The following VSNL1 variants were observed in gnomAD, a reference collection of about 807,000 sequenced individuals.
VSNL1 encodes the protein visinin like 1.
A neutral mutation model predicts 20.4 loss-of-function variants in VSNL1; 6 were observed. The observed-to-expected ratio is 0.29, with a 90% CI of 0.16 to 0.58. The LOEUF is 0.58. Among genes scored for constraint, VSNL1 ranks in the 20% least tolerant of loss-of-function variants. The probability of loss-of-function intolerance (pLI) is 0.90; values close to 1 mark genes in which losing one functional copy is unlikely to be tolerated. For missense variants in VSNL1, 100 were observed against 234.5 expected, an observed-to-expected ratio of 0.43 and a Z score of 3.75; for synonymous variants, 93 against 86.4, an observed-to-expected ratio of 1.08 and a Z score of -0.42.
chr2:17,557,148 A>G (rs1014683984), intron 1 of VSNL1, among the ~76,000 whole-genome samples: 2 of 152,162 alleles, frequency 1.3e-5, no homozygotes, highest in South Asian at 2.1e-4. Context: ...AATGAAATAG[A>G]TATTATCCCT....
intron 2 of VSNL1, among the ~76,000 whole-genome samples, chr2:17,593,508 C>T (rs1664643138): frequency 6.6e-6 from 1 of 152,056 alleles, no homozygotes; most frequent in Non-Finnish European, 1.5e-5. Flanking sequence ...ACCCAAGATT[C>T]AAACGAAAAG....
At chr2:17,582,669 C>T (rs575521085) in intron 1 of VSNL1, among the ~76,000 whole-genome samples, 3 of 152,002 alleles carry the variant, frequency 2.0e-5, no homozygotes, top group Non-Finnish European at 2.9e-5. Flanking sequence ...GCCACTTACT[C>T]GGAGAGGAAC....
chr2:17,605,999 C>T (rs11096480), intron 2 of VSNL1, among the ~76,000 whole-genome samples: 36,602 of 152,210 alleles, frequency 0.24, 5,759 homozygotes, highest in Middle Eastern at 0.49. Flanking sequence ...ATTTCATCCT[C>T]ATAAGGGTAT....
At chr2:17,609,637 T>C (rs1665036764) in intron 2 of VSNL1, among the ~76,000 whole-genome samples, 1 of 152,190 alleles carries the variant, frequency 6.6e-6, no homozygotes, top group African/African-American at 2.4e-5. Flanking sequence ...TTCTGCATTA[T>C]CAAGAGTGGT....
intron 2 of VSNL1, among the ~76,000 whole-genome samples, chr2:17,620,617 T>C (rs1050178889): frequency 1.3e-5 from 2 of 152,170 alleles, no homozygotes; most frequent in African/African-American, 4.8e-5. Flanking sequence ...TCATCACTCT[T>C]CCCCTGAGAA....
intron 2 of VSNL1, among the ~76,000 whole-genome samples, chr2:17,618,387 A>G (rs920856613): frequency 6.6e-6 from 1 of 152,306 alleles, no homozygotes; most frequent in Non-Finnish European, 1.5e-5. Context: ...GCTGCTTAGC[A>G]TCTTCAAATC....
intron 3 of VSNL1, among the ~76,000 whole-genome samples, chr2:17,653,932 G>A (rs1666172304): frequency 1.3e-5 from 2 of 152,176 alleles, no homozygotes; most frequent in African/African-American, 4.8e-5. Flanking sequence ...GTGTCTCCAT[G>A]GATTTGGCTC....
chr2:17,577,484 A>G (rs1012514580), intron 1 of VSNL1, among the ~76,000 whole-genome samples: 2 of 152,104 alleles, frequency 1.3e-5, no homozygotes, highest in African/African-American at 4.8e-5. Flanking sequence ...GTATAGCTGG[A>G]TCTATTTCTA....
chr2:17,592,794 C>T (rs1664625895), intron 2 of VSNL1, among the ~76,000 whole-genome samples: 1 of 151,162 alleles, frequency 6.6e-6, no homozygotes, highest in Non-Finnish European at 1.5e-5. Flanking sequence ...ACAACATAGA[C>T]AATAACTCAA....
At chr2:17,540,393 C>T (rs971783919), upstream of VSNL1, among the ~76,000 whole-genome samples, 11 of 152,254 alleles carry the variant, frequency 7.2e-5, no homozygotes, top group Non-Finnish European at 1.6e-4. Context: ...AACCCGCAGT[C>T]CCTCGCGCCC....
Position 17,546,962 on chromosome 2 carries a change from T to C in VSNL1, c.-6+6044T>C, listed in dbSNP as rs144123428. Among the ~76,000 whole-genome samples the C allele has an allele frequency of 2.0e-3, 307 of 152,144 alleles. 1 individual carries two copies. The highest frequency in any genetic ancestry group is 3.7e-3 in the Non-Finnish European group (254 of 67,896). ...AAGGAAATTGTGAAGTAAACTTAAA[T>C]CCTATGTATAAAATTGTTATTCTTT... On this transcript the variant is annotated intron_variant, in intron 1 of 3. Coordinates refer to ENST00000295156, the MANE Select transcript of VSNL1 (RefSeq NM_003385.5).
At chr2:17,608,809 G>T (rs1201946078) in intron 2 of VSNL1, among the ~76,000 whole-genome samples, 1 of 152,124 alleles carries the variant, frequency 6.6e-6, no homozygotes, top group Non-Finnish European at 1.5e-5. Context: ...TTTCCAAGCT[G>T]TCATAGATGT....
chr2:17,542,673 C>T (rs1488705392), intron 1 of VSNL1, among the ~76,000 whole-genome samples: 2 of 152,212 alleles, frequency 1.3e-5, no homozygotes, highest in Non-Finnish European at 2.9e-5. Flanking sequence ...TTGAGCCATA[C>T]TCCCTGTCAT....
chr2:17,641,030 T>C (rs1411927614), intron 2 of VSNL1, among the ~76,000 whole-genome samples: 1 of 152,196 alleles, frequency 6.6e-6, no homozygotes, highest in Non-Finnish European at 1.5e-5. Context: ...CTATAATAGC[T>C]CTCTCCCCAC....
chr2:17,568,880 CTA>C (rs1245710730), intron 1 of VSNL1, among the ~76,000 whole-genome samples: 2 of 151,968 alleles, frequency 1.3e-5, no homozygotes, highest in Non-Finnish European at 2.9e-5. Context: ...CATTTTGAAA[CTA>C]TTCTGTTGAT....
chr2:17,625,512 A>G (rs1056402849), intron 2 of VSNL1, among the ~76,000 whole-genome samples: 3 of 152,190 alleles, frequency 2.0e-5, no homozygotes, highest in African/African-American at 7.2e-5. Flanking sequence ...TCCCTAAATT[A>G]GCGACACTCT....
intron 1 of VSNL1, among the ~76,000 whole-genome samples, chr2:17,577,364 CT>C (rs540558970): frequency 2.1e-4 from 32 of 152,220 alleles, no homozygotes; most frequent in African/African-American, 7.2e-4. Context: ...ATGGTTCTTA[CT>C]TTTTTTATTG....
chr2:17,596,143 G>T (rs1005242185), intron 2 of VSNL1, among the ~76,000 whole-genome samples: 3 of 152,072 alleles, frequency 2.0e-5, no homozygotes, highest in African/African-American at 7.2e-5. Flanking sequence ...TTCCTTCTCT[G>T]TTGTCACATG....
intron 1 of VSNL1, among the ~76,000 whole-genome samples, chr2:17,580,975 T>A (rs762944180): frequency 6.6e-6 from 1 of 152,170 alleles, no homozygotes; most frequent in Non-Finnish European, 1.5e-5. Flanking sequence ...TGTTAAGATT[T>A]TGATATAAAT....
Sources: allele counts gnomAD v4.1 joint callset (sites outside exome capture counted in the v4.1 genomes callset), GRCh38; gene constraint gnomAD v4.1.1; transcripts MANE v1.5; gene names NCBI Gene and HGNC (gene_info 2026-07-23, HGNC 2026-07-21).